AKAP13: variants seen among roughly 807,000 people sequenced by gnomAD.
AKAP13 encodes A-kinase anchor protein 13.
AKAP13 carries 80 observed loss-of-function variants against 264.5 expected under a neutral mutation model. The observed-to-expected ratio is 0.30, with a 90% CI of 0.25 to 0.36. The LOEUF is 0.36. Among genes scored for constraint, AKAP13 ranks in the 10% least tolerant of loss-of-function variants. The pLI is 1.00. For synonymous variants in AKAP13, 1,380 were observed against 1,250.2 expected (o/e 1.10, Z -2.19); for missense variants, 3,712 against 3,435.2 (o/e 1.08, Z -2.01).
chr15:85,613,713 T>TATATATATGTATGTATATA (rs1254657975), intron 8 of AKAP13, among the ~76,000 whole-genome samples: 3 of 111,008 alleles, frequency 2.7e-5, no homozygotes, highest in East Asian at 3.4e-4. Context: ...TATATATATA[T>TATATATATGTATGTATATA]TAGGAGTGCT....
chr15:85,413,674 A>G (rs965640811), intron 1 of AKAP13, among the ~76,000 whole-genome samples: 1 of 152,182 alleles, frequency 6.6e-6, no homozygotes, highest in African/African-American at 2.4e-5. Context: ...ATGTGTCATC[A>G]CGGTTTCAGC....
intron 2 of AKAP13, among the ~76,000 whole-genome samples, chr15:85,520,498 C>CAAAAA (rs71468111): frequency 1.8e-4 from 13 of 71,264 alleles, no homozygotes; most frequent in Admixed American, 3.1e-4. Flanking sequence ...AACTCCGTCT[C>CAAAAA]AAAAAAAAAA....
chr15:85,552,544 T>A (rs1476911025), intron 5 of AKAP13, among the ~76,000 whole-genome samples: 1 of 152,160 alleles, frequency 6.6e-6, no homozygotes. Context: ...ACAAAATGTA[T>A]TTGAGGTACC....
At chr15:85,692,796 A>G (rs892004372) in intron 16 of AKAP13, among the ~76,000 whole-genome samples, 3 of 152,206 alleles carry the variant, frequency 2.0e-5, no homozygotes, top group Non-Finnish European at 4.4e-5. Flanking sequence ...TTGATGTGAG[A>G]AAGAGAGGAG....
intron 10 of AKAP13, among the ~76,000 whole-genome samples, chr15:85,646,665 T>C (rs1375443768): frequency 2.0e-5 from 3 of 152,194 alleles, no homozygotes; most frequent in African/African-American, 7.2e-5. Context: ...TTAATGTGTT[T>C]AGGCCTGAAG....
intron 8 of AKAP13, chr15:85,619,414 C>G: frequency 1.0e-6 from 1 of 985,214 alleles, no homozygotes; most frequent in Non-Finnish European, 1.2e-6. Flanking sequence ...ACTCTGCTGT[C>G]CTTAGAGATT....
intron 8 of AKAP13, among the ~76,000 whole-genome samples, chr15:85,638,112 C>T (rs2082147839): frequency 6.6e-6 from 1 of 151,928 alleles, no homozygotes; most frequent in Admixed American, 6.5e-5. Context: ...TCTCCATCTC[C>T]TGACCTTGTG....
intron 35 of AKAP13, among the ~76,000 whole-genome samples, chr15:85,741,739 A>AAT (rs1254334330): frequency 6.7e-6 from 1 of 149,400 alleles, no homozygotes; most frequent in African/African-American, 2.5e-5. Context: ...CAAAAAAAAA[A>AAT]AACAGTTTTT....
At chr15:85,588,024 AAAATT>A (rs888266566) in intron 8 of AKAP13, among the ~76,000 whole-genome samples, 7 of 152,144 alleles carry the variant, frequency 4.6e-5, no homozygotes, top group Non-Finnish European at 8.8e-5. Flanking sequence ...TCAAAAAAAA[AAAATT>A]AGAAAGCTGA....
At chr15:85,504,829 A>C (rs2076159609) in intron 2 of AKAP13, among the ~76,000 whole-genome samples, 1 of 151,930 alleles carries the variant, frequency 6.6e-6, no homozygotes, top group Non-Finnish European at 1.5e-5. Flanking sequence ...GTTGTGAAAC[A>C]TTTTTCAGAG....
At chr15:85,428,385 G>C (rs1052604016) in intron 1 of AKAP13, among the ~76,000 whole-genome samples, 13 of 152,220 alleles carry the variant, frequency 8.5e-5, no homozygotes, top group Non-Finnish European at 1.8e-4. Flanking sequence ...TTTTAATAGA[G>C]GTGGGGTTTC....
At chr15:85,405,422 T>C (rs2071615306) in intron 1 of AKAP13, among the ~76,000 whole-genome samples, 1 of 152,244 alleles carries the variant, frequency 6.6e-6, no homozygotes, top group Middle Eastern at 3.2e-3. Context: ...CTGATTTTAC[T>C]ATGGACCGGG....
At chr15:85,436,849 C>T (rs1042457026) in intron 1 of AKAP13, among the ~76,000 whole-genome samples, 4 of 151,714 alleles carry the variant, frequency 2.6e-5, no homozygotes, top group African/African-American at 9.7e-5. Flanking sequence ...GCACTAAATG[C>T]CCACAAGAGA....
At chr15:85,623,542 T>C (rs954587382) in intron 8 of AKAP13, among the ~76,000 whole-genome samples, 2 of 152,210 alleles carry the variant, frequency 1.3e-5, no homozygotes, top group African/African-American at 4.8e-5. Context: ...TCTGCATAGT[T>C]TCACGGTAGC....
chr15:85,730,878 T>TCA (rs1330680728), intron 30 of AKAP13, among the ~76,000 whole-genome samples, 171 bp downstream of exon 30: 6 of 151,944 alleles, frequency 3.9e-5, no homozygotes, highest in African/African-American at 1.5e-4. Context: ...TAACCACTAC[T>TCA]CACATCAAGA....
intron 1 of AKAP13, among the ~76,000 whole-genome samples, chr15:85,390,759 T>G (rs1159752569): frequency 6.6e-6 from 1 of 152,160 alleles, no homozygotes; most frequent in Non-Finnish European, 1.5e-5. Context: ...ACTATAGGAT[T>G]ACTTACAGAT....
intron 5 of AKAP13, among the ~76,000 whole-genome samples, chr15:85,555,984 C>G (rs1170459360): frequency 6.6e-6 from 1 of 152,174 alleles, no homozygotes; most frequent in Admixed American, 6.5e-5. Flanking sequence ...AATATTACAT[C>G]AGACATCCAG....
chr15:85,402,480 A>T (rs983512300), intron 1 of AKAP13, among the ~76,000 whole-genome samples: 2 of 152,198 alleles, frequency 1.3e-5, no homozygotes. Context: ...ACTGTATAAT[A>T]CAATGGGGGA....
intron 8 of AKAP13, among the ~76,000 whole-genome samples, chr15:85,596,133 T>C (rs2079816025): frequency 6.6e-6 from 1 of 152,200 alleles, no homozygotes; most frequent in African/African-American, 2.4e-5. Context: ...ATGGTGAAAA[T>C]GCCTTTCATA....
Sources: allele counts gnomAD v4.1 joint callset (sites outside exome capture counted in the v4.1 genomes callset), GRCh38; gene constraint gnomAD v4.1.1; transcripts MANE v1.5; gene names NCBI Gene and HGNC (gene_info 2026-07-23, HGNC 2026-07-21).